Variants in PCDH9 observed in about 807,000 individuals in gnomAD.
PCDH9 encodes the protein protocadherin-9.
PCDH9 carries 24 observed loss-of-function variants against 70.6 expected under a neutral mutation model. The observed-to-expected ratio is 0.34, with a 90% confidence interval of 0.25 to 0.48. PCDH9 has a LOEUF of 0.48. PCDH9 is among the 20% of genes least tolerant of loss of function. The pLI, the probability that PCDH9 is intolerant of heterozygous loss-of-function variation, is 0.99. For missense variants in PCDH9, 1,281 were observed against 1,503.6 expected (o/e 0.85, Z 2.45); for synonymous variants, 562 against 558.5 (o/e 1.01, Z -0.09).
At chr13:66,813,950 G>T (rs532874366) in intron 3 of PCDH9, among the ~76,000 whole-genome samples, 10 of 152,230 alleles carry the variant, frequency 6.6e-5, no homozygotes, top group Admixed American at 6.5e-4. Context: ...CAGCAAGAAA[G>T]AGTACAGCAA....
intron 4 of PCDH9, among the ~76,000 whole-genome samples, chr13:66,468,290 T>G (rs990974155): frequency 1.3e-5 from 2 of 152,008 alleles, no homozygotes; most frequent in Non-Finnish European, 2.9e-5. Flanking sequence ...ACCTTAAAAA[T>G]CAATTGAAAA....
At chr13:66,877,097 CA>C (rs1015533573) in intron 3 of PCDH9, among the ~76,000 whole-genome samples, 3 of 151,596 alleles carry the variant, frequency 2.0e-5, no homozygotes, top group Non-Finnish European at 2.9e-5. Flanking sequence ...TTTTAACCAT[CA>C]AAAAATATAT....
At chr13:67,071,483 G>T (rs2138155373) in intron 2 of PCDH9, among the ~76,000 whole-genome samples, 1 of 152,080 alleles carries the variant, frequency 6.6e-6, no homozygotes, top group African/African-American at 2.4e-5. Context: ...CAAAACTAAA[G>T]TTACCATAAT....
At chr13:66,593,962 G>GT (rs1219593876) in intron 4 of PCDH9, among the ~76,000 whole-genome samples, 2 of 151,052 alleles carry the variant, frequency 1.3e-5, no homozygotes, top group Admixed American at 6.6e-5. Flanking sequence ...TTAATCATTA[G>GT]TTTTTTTTCA....
intron 2 of PCDH9, among the ~76,000 whole-genome samples, chr13:67,075,914 A>C (rs2085869010): frequency 6.6e-6 from 1 of 152,132 alleles, no homozygotes; most frequent in African/African-American, 2.4e-5. Flanking sequence ...CAACTGCATA[A>C]ATTTAGAAAT....
chr13:66,514,634 GC>G (rs1959647523), intron 4 of PCDH9, among the ~76,000 whole-genome samples: 1 of 152,088 alleles, frequency 6.6e-6, no homozygotes, highest in African/African-American at 2.4e-5. Flanking sequence ...CTTCGGGTGT[GC>G]TTTTGTGGCA....
intron 2 of PCDH9, among the ~76,000 whole-genome samples, chr13:67,126,112 G>A (rs948805017): frequency 6.6e-6 from 1 of 152,102 alleles, no homozygotes; most frequent in African/African-American, 2.4e-5. Flanking sequence ...GTAAGTAGTG[G>A]TCATGATTCA....
intron 3 of PCDH9, among the ~76,000 whole-genome samples, chr13:66,672,671 G>A (rs952272141): frequency 2.0e-5 from 3 of 152,204 alleles, no homozygotes; most frequent in Non-Finnish European, 2.9e-5. Flanking sequence ...GCTGTACTCT[G>A]CAAAGCCACA....
chr13:67,166,646 A>G (rs2088124258), intron 2 of PCDH9, among the ~76,000 whole-genome samples: 2 of 152,158 alleles, frequency 1.3e-5, no homozygotes, highest in East Asian at 1.9e-4. Flanking sequence ...ATCAGTAAAA[A>G]TTTTTGAGTT....
intron 2 of PCDH9, among the ~76,000 whole-genome samples, chr13:66,995,972 TC>T (rs2084106305): frequency 6.6e-6 from 1 of 152,140 alleles, no homozygotes; most frequent in Non-Finnish European, 1.5e-5. Context: ...TTATTTTTTT[TC>T]AATAATTATT....
chr13:67,168,856 C>T (rs1330335135), intron 2 of PCDH9, among the ~76,000 whole-genome samples: 2 of 152,140 alleles, frequency 1.3e-5, no homozygotes, highest in Non-Finnish European at 2.9e-5. Context: ...TTTTAAATCC[C>T]TAATTTGAAA....
chr13:67,171,819 T>A, intron 2 of PCDH9, among the ~76,000 whole-genome samples: 1 of 152,142 alleles, frequency 6.6e-6, no homozygotes, highest in South Asian at 2.1e-4. Context: ...TAGCAGTAAA[T>A]GAAATGACCT....
intron 2 of PCDH9, among the ~76,000 whole-genome samples, chr13:67,040,058 C>T (rs2085082127): frequency 6.6e-6 from 1 of 151,990 alleles, no homozygotes; most frequent in Non-Finnish European, 1.5e-5. Flanking sequence ...AATACTAAAG[C>T]ACTTACACAA....
chr13:66,629,697 A>G (rs1555566), intron 4 of PCDH9, among the ~76,000 whole-genome samples: 144,100 of 152,252 alleles, frequency 0.95, 68,741 homozygotes, highest in East Asian at 1. Context: ...TAACAAAACC[A>G]GAGCTGGCAG....
At chr13:67,168,319 G>A (rs999945651) in intron 2 of PCDH9, among the ~76,000 whole-genome samples, 1 of 152,122 alleles carries the variant, frequency 6.6e-6, no homozygotes, top group African/African-American at 2.4e-5. Context: ...GATTCTGAGG[G>A]CTGATACAGA....
intron 4 of PCDH9, among the ~76,000 whole-genome samples, chr13:66,601,960 T>A (rs1257981357): frequency 6.8e-6 from 1 of 146,036 alleles, no homozygotes; most frequent in Admixed American, 6.9e-5. Flanking sequence ...CAGCTTTATG[T>A]ATTTACTATA....
intron 4 of PCDH9, among the ~76,000 whole-genome samples, chr13:66,407,537 AAT>A (rs1200350411): frequency 6.6e-6 from 1 of 152,134 alleles, no homozygotes. Flanking sequence ...CTGTAGCTGT[AAT>A]TTCCATGTAG....
intron 3 of PCDH9, among the ~76,000 whole-genome samples, chr13:66,892,980 A>C (rs1308131394): frequency 2.0e-5 from 3 of 152,154 alleles, no homozygotes; most frequent in African/African-American, 4.8e-5. Context: ...ATAATATTAG[A>C]AAATCTGTTT....
chr13:67,032,387 CAT>C (rs139951520), intron 2 of PCDH9, among the ~76,000 whole-genome samples: 3,521 of 151,870 alleles, frequency 0.023, 128 homozygotes, highest in African/African-American at 0.079. Context: ...TGGTCTCAAA[CAT>C]ATCAACTCAA....
Sources: gnomAD v4.1 joint callset for allele counts (sites outside exome capture counted in the v4.1 genomes callset) on GRCh38, gnomAD v4.1.1 for gene constraint, MANE v1.5 for transcripts, NCBI Gene and HGNC (gene_info 2026-07-23, HGNC 2026-07-21) for gene names.